Variants in CNTN5 observed in about 807,000 individuals in gnomAD.
CNTN5 encodes contactin-5.
A neutral mutation model predicts 129.1 loss-of-function variants in CNTN5; 77 were observed. The ratio of observed to expected loss-of-function variants is 0.60; its 90% confidence interval spans 0.50 to 0.72. The LOEUF (loss-of-function observed/expected upper bound fraction) is 0.72, where lower values mean the gene tolerates loss of function less well. Ranked by LOEUF, CNTN5 falls within the 30% of genes least tolerant of loss-of-function variation. The pLI is 0.00. For synonymous variants in CNTN5, 509 were observed against 465.6 expected (o/e 1.09, Z -1.20); for missense variants, 1,478 against 1,328.8 (o/e 1.11, Z -1.75).
At chr11:99,502,978 A>G (rs113613025) in intron 2 of CNTN5, among the ~76,000 whole-genome samples, 72 of 152,254 alleles carry the variant, frequency 4.7e-4, no homozygotes, top group African/African-American at 1.7e-3. Context: ...TTGGGTTACA[A>G]TTTCCCAAAC....
chr11:99,964,261 A>G (rs1007563378), intron 8 of CNTN5, among the ~76,000 whole-genome samples: 1 of 152,088 alleles, frequency 6.6e-6, no homozygotes, highest in Non-Finnish European at 1.5e-5. Flanking sequence ...GAATGCTTCC[A>G]GTTTTTGCCC....
At chr11:99,665,629 G>C (rs1411008007) in intron 3 of CNTN5, among the ~76,000 whole-genome samples, 1 of 151,430 alleles carries the variant, frequency 6.6e-6, no homozygotes, top group Non-Finnish European at 1.5e-5. Context: ...TGGGTTTACA[G>C]GTGCCCAGCA....
At chr11:99,825,241 A>G (rs372951519) in intron 4 of CNTN5, among the ~76,000 whole-genome samples, 2 of 152,120 alleles carry the variant, frequency 1.3e-5, no homozygotes, top group South Asian at 2.1e-4. Flanking sequence ...CTTGCTTTAC[A>G]TTAGATAGAC....
intron 2 of CNTN5, among the ~76,000 whole-genome samples, chr11:99,349,107 T>A (rs1591554883): frequency 6.6e-6 from 1 of 152,280 alleles, no homozygotes; most frequent in East Asian, 1.9e-4. Context: ...AATGCAGTGA[T>A]CTGGGTATGA....
intron 1 of CNTN5, among the ~76,000 whole-genome samples, chr11:99,182,742 G>C (rs1366393666): frequency 2.0e-5 from 3 of 152,146 alleles, no homozygotes; most frequent in Non-Finnish European, 4.4e-5. Context: ...CGTCAAGCCA[G>C]TATATACCAA....
chr11:99,778,750 C>G (rs898674283), intron 3 of CNTN5, among the ~76,000 whole-genome samples: 5 of 151,806 alleles, frequency 3.3e-5, no homozygotes, highest in African/African-American at 1.2e-4. Flanking sequence ...ATTATCATCA[C>G]TATGATTATT....
At chr11:99,023,456 C>G (rs1261721752) in intron 1 of CNTN5, among the ~76,000 whole-genome samples, 1 of 152,134 alleles carries the variant, frequency 6.6e-6, no homozygotes, top group Non-Finnish European at 1.5e-5. Flanking sequence ...CAGTAAAGGG[C>G]AAAGGGCCCG....
chr11:99,918,620 C>A (rs964965314), intron 7 of CNTN5, among the ~76,000 whole-genome samples: 2 of 152,136 alleles, frequency 1.3e-5, no homozygotes, highest in East Asian at 3.8e-4. Flanking sequence ...TGTAGCCATA[C>A]ACTCTGACTT....
At chr11:100,011,410 G>C (rs147001714) in intron 9 of CNTN5, among the ~76,000 whole-genome samples, 3 of 152,232 alleles carry the variant, frequency 2.0e-5, no homozygotes, top group Non-Finnish European at 2.9e-5. Flanking sequence ...AGGCCTGCCA[G>C]CTAATAGTGT....
chr11:99,187,370 G>A (rs888347796), intron 1 of CNTN5, among the ~76,000 whole-genome samples: 14 of 150,324 alleles, frequency 9.3e-5, no homozygotes, highest in East Asian at 1.9e-4. Flanking sequence ...TTTTGGAGTC[G>A]GATACATGTT....
chr11:99,690,755 G>A (rs1565430996), intron 3 of CNTN5, among the ~76,000 whole-genome samples: 1 of 152,002 alleles, frequency 6.6e-6, no homozygotes, highest in African/African-American at 2.4e-5. Context: ...TTGGATATTA[G>A]GATGATGATG....
chr11:100,089,772 A>G (rs1374072453), intron 13 of CNTN5, among the ~76,000 whole-genome samples: 1 of 152,186 alleles, frequency 6.6e-6, no homozygotes, highest in South Asian at 2.1e-4. Context: ...GGAAGCCATT[A>G]TCCTCAGCAA....
intron 1 of CNTN5, among the ~76,000 whole-genome samples, chr11:99,131,981 C>T (rs1473059704): frequency 2.0e-5 from 3 of 152,106 alleles, no homozygotes; most frequent in Non-Finnish European, 2.9e-5. Context: ...CCCTGATGAA[C>T]ATTTATGCAA....
At chr11:100,075,426 A>C (rs1944089383) in intron 13 of CNTN5, among the ~76,000 whole-genome samples, 2 of 152,184 alleles carry the variant, frequency 1.3e-5, no homozygotes, top group Admixed American at 1.3e-4. Context: ...ACAGGCTAAC[A>C]AGAGAAAAAC....
chr11:99,541,953 T>A (rs1338115677), intron 2 of CNTN5, among the ~76,000 whole-genome samples: 2 of 78,684 alleles, frequency 2.5e-5, no homozygotes, highest in Non-Finnish European at 2.4e-5. Context: ...GGAGATCTTG[T>A]CTCAAAAAAA....
chr11:100,128,694 T>C (rs1397714969), intron 13 of CNTN5, among the ~76,000 whole-genome samples: 1 of 152,052 alleles, frequency 6.6e-6, no homozygotes, highest in African/African-American at 2.4e-5. Flanking sequence ...GTGTAGCCTC[T>C]AGAGGCTTGA....
intron 1 of CNTN5, among the ~76,000 whole-genome samples, chr11:99,299,491 G>T (rs914621315): frequency 6.6e-6 from 1 of 152,100 alleles, no homozygotes. Flanking sequence ...ACCAATAGTG[G>T]TTATCCAGTC....
chr11:99,808,294 C>G (rs1946331946), intron 3 of CNTN5, among the ~76,000 whole-genome samples: 1 of 152,112 alleles, frequency 6.6e-6, no homozygotes, highest in South Asian at 2.1e-4. Context: ...TTTTAGCCCA[C>G]TTGATGTCTT....
At chr11:100,273,606 C>A (rs1029381045) in intron 18 of CNTN5, among the ~76,000 whole-genome samples, 1 of 152,110 alleles carries the variant, frequency 6.6e-6, no homozygotes, top group Non-Finnish European at 1.5e-5. Context: ...CTGCCCCCAG[C>A]CAACACCACC....
Sources: allele counts gnomAD v4.1 joint callset (sites outside exome capture counted in the v4.1 genomes callset), GRCh38; gene constraint gnomAD v4.1.1; transcripts MANE v1.5; gene names NCBI Gene and HGNC (gene_info 2026-07-23, HGNC 2026-07-21).